The following ABLIM2 variants were observed in gnomAD, a reference collection of about 807,000 sequenced individuals.
ABLIM2 encodes the protein actin binding LIM protein family member 2, also known as actin-binding LIM protein 2.
A neutral mutation model predicts 97.7 loss-of-function variants in ABLIM2; 53 were observed. The observed-to-expected ratio is 0.54, with a 90% confidence interval of 0.44 to 0.68. The LOEUF (loss-of-function observed/expected upper bound fraction) is 0.68, where lower values mean the gene tolerates loss of function less well. ABLIM2 is among the 30% of genes least tolerant of loss of function. The probability of loss-of-function intolerance (pLI) is 0.00; values close to 1 mark genes in which losing one functional copy is unlikely to be tolerated. For missense variants in ABLIM2, 835 were observed against 867.2 expected (o/e 0.96, Z 0.47); for synonymous variants, 361 against 345.8 (o/e 1.04, Z -0.49).
chr4:8,001,870 C>T lies in ABLIM2; in HGVS notation c.1618+6189G>A, dbSNP rs769677883. 2.6e-5 allele frequency among the ~76,000 whole-genome samples: 4 copies of T among 152,198 alleles called. No individual in the cohort carries two copies. The highest frequency in any genetic ancestry group is 5.9e-5 in the Non-Finnish European group (4 of 68,036). On this transcript the variant is annotated intron_variant, in intron 16 of 20. Coordinates refer to ENST00000447017, the MANE Select transcript of ABLIM2 (RefSeq NM_001130083.2). The surrounding 1 kb of genome is among the most constrained non-coding windows in gnomAD (Gnocchi z 4.2). ...CCTCCCCACTTCCTCTGTGGAATCT[C>T]CTGCCCCCCGATGGCACCTTCCCAC... is the stretch of plus-strand genomic sequence containing the variant.
At chr4:8,038,021 G>A (rs1384430683) in intron 9 of ABLIM2, among the ~76,000 whole-genome samples, 2 of 152,160 alleles carry the variant, frequency 1.3e-5, no homozygotes, top group East Asian at 3.9e-4. Flanking sequence ...AGGAGCTGCC[G>A]GGGGCATTTT....
At chr4:7,991,537 T>C (rs886475477) in intron 17 of ABLIM2, among the ~76,000 whole-genome samples, 12 of 60,718 alleles carry the variant, frequency 2.0e-4, no homozygotes, top group Non-Finnish European at 3.1e-4. Context: ...TGCACGTCTT[T>C]TGGTGTCGTA....
At chr4:8,141,900 T>C (rs1851038447) in intron 1 of ABLIM2, among the ~76,000 whole-genome samples, 1 of 152,208 alleles carries the variant, frequency 6.6e-6, no homozygotes, top group Non-Finnish European at 1.5e-5. Flanking sequence ...AGCGAATACA[T>C]GCACCCTGGA....
intron 2 of ABLIM2, among the ~76,000 whole-genome samples, chr4:8,099,388 G>C (rs534713725): frequency 4.6e-5 from 7 of 152,182 alleles, no homozygotes; most frequent in African/African-American, 1.7e-4. Context: ...GTTCCTTGAA[G>C]GAGAAACATG....
intron 1 of ABLIM2, among the ~76,000 whole-genome samples, chr4:8,157,830 G>T (rs1450921890): frequency 2.0e-5 from 3 of 152,262 alleles, no homozygotes; most frequent in Non-Finnish European, 4.4e-5. Flanking sequence ...TGCGCCTCGG[G>T]TCACACCCTG....
intron 1 of ABLIM2, among the ~76,000 whole-genome samples, chr4:8,114,192 G>C (rs1399408153): frequency 1.3e-5 from 2 of 152,226 alleles, no homozygotes; most frequent in South Asian, 2.1e-4. Context: ...GTGCTGAGGA[G>C]ACCAGAGCTG....
chr4:8,041,954 C>A (rs553547456), intron 9 of ABLIM2, among the ~76,000 whole-genome samples: 136 of 152,210 alleles, frequency 8.9e-4, no homozygotes, highest in Admixed American at 1.4e-3. Context: ...TACTATGTGC[C>A]GTGCAGGTTC....
chr4:8,036,951 C>T (rs192340468), intron 9 of ABLIM2, among the ~76,000 whole-genome samples: 10 of 152,218 alleles, frequency 6.6e-5, no homozygotes, highest in African/African-American at 2.4e-4. Context: ...CCCAAATCCT[C>T]ATATGCTCAG....
intron 1 of ABLIM2, among the ~76,000 whole-genome samples, chr4:8,144,265 A>G (rs1028072525): frequency 3.9e-5 from 6 of 152,330 alleles, no homozygotes; most frequent in Admixed American, 2.6e-4. Flanking sequence ...TACTCTTTCT[A>G]AGTTGTCAAC....
In ABLIM2 at chr4:8,071,712, C is replaced by G; in HGVS notation, c.675+5916G>C. 2 of 984,028 alleles carry G rather than the reference C, an allele frequency of 2.0e-6. No individual in the cohort carries two copies. Among genetic ancestry groups the G allele is most frequent in the South Asian group, 9.4e-5 (2 of 21,270 alleles). 61.0% of individuals were successfully genotyped at this position (984,028 alleles called of 1,614,324 possible). ...CCAAAAACCCACCCACCCGCAGCCCCTCCTGGCCCCTGTGAGCCCCCATCA... is the reference window on the plus strand; with the variant it reads ...CCAAAAACCCACCCACCCGCAGCCCGTCCTGGCCCCTGTGAGCCCCCATCA... On this transcript the variant is annotated intron_variant, in intron 6 of 20. Coordinates refer to ENST00000447017, the MANE Select transcript of ABLIM2 (RefSeq NM_001130083.2). This position sits in a 1 kb window ranked among gnomAD's most constrained non-coding sequence, Gnocchi z 6.2.
intron 7 of ABLIM2, among the ~76,000 whole-genome samples, chr4:8,055,617 G>C (rs148327840): frequency 6.6e-6 from 1 of 152,182 alleles, no homozygotes; most frequent in African/African-American, 2.4e-5. Context: ...CACATGGTAG[G>C]GGCTGAAAAG....
At chr4:8,097,013 G>A in intron 3 of ABLIM2, 86 bp downstream of exon 3, 1 of 1,454,054 alleles carries the variant, frequency 6.9e-7, no homozygotes, top group Non-Finnish European at 9.2e-7. Flanking sequence ...ACGGGAGGGA[G>A]CAGGAGGAAG....
chr4:8,102,296 G>C (rs913366832), intron 2 of ABLIM2, among the ~76,000 whole-genome samples: 2 of 152,166 alleles, frequency 1.3e-5, no homozygotes, highest in African/African-American at 2.4e-5. Flanking sequence ...CCTTCCACCA[G>C]GCTTTGCCCA....
intron 10 of ABLIM2, among the ~76,000 whole-genome samples, chr4:8,035,755 G>T (rs1412801443): frequency 6.6e-6 from 1 of 152,234 alleles, no homozygotes; most frequent in East Asian, 1.9e-4. Flanking sequence ...AGCCATGGCA[G>T]CGAGGGTGGC....
At chr4:8,039,041 C>A (rs760492600) in intron 9 of ABLIM2, among the ~76,000 whole-genome samples, 1 of 152,274 alleles carries the variant, frequency 6.6e-6, no homozygotes, top group African/African-American at 2.4e-5. Context: ...CCCACACCCC[C>A]GCAACAAGTT....
chr4:8,002,639 C>T lies in ABLIM2; in HGVS notation c.1618+5420G>A, dbSNP rs1219911850. ...GCGAGTCCCAGCTCCGCCACCCTCA[C>T]CGTCTCGGTTTCCCAAGGCCGCCCT... is the stretch of plus-strand genomic sequence containing the variant. On this transcript the variant is annotated intron_variant, in intron 16 of 20. Coordinates refer to ENST00000447017, the MANE Select transcript of ABLIM2 (RefSeq NM_001130083.2). The surrounding 1 kb of genome is among the most constrained non-coding windows in gnomAD (Gnocchi z 6.1). Among the ~76,000 whole-genome samples the T allele has an allele frequency of 6.6e-6, 1 of 152,170 alleles. No homozygotes were observed. The highest frequency in any genetic ancestry group is 1.5e-5 in the Non-Finnish European group (1 of 68,032).
At chr4:8,041,454 A>G (rs1245835737) in intron 9 of ABLIM2, 3 of 152,136 alleles carry the variant, frequency 2.0e-5, no homozygotes, top group Non-Finnish European at 4.4e-5. Context: ...GGAGTCACGG[A>G]GACCTGTGGG....
At position 8,001,840 on chromosome 4, in the gene ABLIM2, G is replaced by T. The variant is rs1358452364; in HGVS notation, c.1618+6219C>A. On this transcript the variant is annotated intron_variant, in intron 16 of 20. Transcript: ENST00000447017. This position sits in a 1 kb window ranked among gnomAD's most constrained non-coding sequence, Gnocchi z 4.2. The stretch of plus-strand genomic sequence containing the variant: ...CCTCTCCTGGCTTTCTCCCTCCTGG[G>T]CGCTCCTCCCCACTTCCTCTGTGGA... Among the ~76,000 whole-genome samples the T allele has an allele frequency of 6.6e-6, 1 of 152,120 alleles. No homozygotes were observed. The highest frequency in any genetic ancestry group is 6.5e-5 in the Admixed American group (1 of 15,270).
In ABLIM2 at chr4:8,054,193, T is replaced by C. The variant is rs778118896; in HGVS notation, c.817A>G (p.Asn273Asp). 8.7e-6 allele frequency: 14 copies of C among 1,613,918 alleles called. No individual in the cohort carries two copies. The East Asian group carries it at 3.1e-4, about 36-fold the overall frequency. The change falls in exon 8 of 21, where the codon AAC (asparagine) becomes GAC (aspartate). Residue 273 changes from asparagine (N) to aspartate (D), a missense_variant. Transcript: ENST00000447017. This position sits in a 1 kb window ranked among gnomAD's most constrained non-coding sequence, Gnocchi z 4.9. ...CACCAGTGAATGCCACCAACCTTGT[T>C]TCTGTCTTCAGTTCTGGCTGCTTGT... The part of the protein sequence containing the change: ...CRQAARTEDR[N>D]KETRTSSESI...
Sources: gnomAD v4.1 joint callset for allele counts (sites outside exome capture counted in the v4.1 genomes callset) on GRCh38, gnomAD v4.1.1 for gene constraint, Gnocchi (gnomAD v3.1) non-coding constraint, MANE v1.5 for transcripts, NCBI Gene and HGNC (gene_info 2026-07-23, HGNC 2026-07-21) for gene names.